DBP: variants seen among roughly 807,000 people sequenced by gnomAD.
DBP encodes D-box binding PAR bZIP transcription factor, also known as D site-binding protein.
Under a neutral mutation model 21.4 loss-of-function variants are expected in DBP, and 12 were observed. The ratio of observed to expected loss-of-function variants is 0.56; its 90% CI spans 0.36 to 0.91. DBP has a LOEUF of 0.91. Ranked by LOEUF, DBP falls within the 40% of genes least tolerant of loss-of-function variation. The probability of loss-of-function intolerance (pLI) is 0.01; values close to 1 mark genes in which losing one functional copy is unlikely to be tolerated. For missense variants in DBP, 423 were observed against 473.4 expected, an observed-to-expected ratio of 0.89 and a Z score of 0.99; for synonymous variants, 213 against 224.9, an observed-to-expected ratio of 0.95 and a Z score of 0.47.
rs80273410 is a variant in DBP at position 48,630,779 on chromosome 19, G to T, written c.*58C>A. 3,515 of 1,519,506 alleles carry T rather than the reference G, an allele frequency of 2.3e-3. 89 individuals are homozygous for T. In the African/African-American group the frequency reaches 0.044, roughly 19 times the overall value. 94.1% of individuals were successfully genotyped at this position (1,519,506 alleles called of 1,614,324 possible). A position where few individuals can be genotyped will look rare whatever the true frequency, so the allele number is the denominator to read the frequency against. On this transcript the variant is annotated 3_prime_UTR_variant, in exon 4 of 4. Coordinates refer to ENST00000222122, the MANE Select transcript of DBP (RefSeq NM_001352.5). This position sits in a 1 kb window ranked among gnomAD's most constrained non-coding sequence, Gnocchi z 4.9. The stretch of plus-strand genomic sequence containing the variant: ...TGGGCCACAGGGCAGGAAGGGAACA[G>T]GGCGTAAGTCTCAGCAAGGCGGAGG...
rs2030530888 is a variant in DBP at position 48,630,625 on chromosome 19, C to A, written c.*212G>T. ...GGCGGTGGGAGGATAGGGTCCCTGA[C>A]GTGCCGGGGACACACACAGAGAACC... On this transcript the variant is annotated 3_prime_UTR_variant, in exon 4 of 4. Transcript: ENST00000222122. The surrounding 1 kb of genome is among the most constrained non-coding windows in gnomAD (Gnocchi z 4.9). 2 of 1,511,986 alleles carry A rather than the reference C, an allele frequency of 1.3e-6. No individual in the cohort carries two copies. The highest frequency in any genetic ancestry group is 1.8e-6 in the Non-Finnish European group (2 of 1,134,572). The allele number at this position is 1,511,986 out of a possible 1,614,324, so 93.7% of individuals were successfully genotyped here.
intron 2 of DBP, chr19:48,634,394 G>C (rs1163245367): frequency 6.6e-6 from 1 of 152,332 alleles, no homozygotes; most frequent in African/African-American, 2.4e-5. Flanking sequence ...CAGAGAAAAA[G>C]AATCTACTGC....
rs1445123050 is a variant in DBP, at chr19:48,630,408, C to T, written c.*429G>A. On this transcript the variant is annotated 3_prime_UTR_variant, in exon 4 of 4. Coordinates refer to ENST00000222122, the MANE Select transcript of DBP (RefSeq NM_001352.5). This position sits in a 1 kb window ranked among gnomAD's most constrained non-coding sequence, Gnocchi z 4.9. Reference sequence around the variant, plus strand: ...AGGCAGTCGCTTCATTCCTCTCAGACCTTCTGCCCTTCCTCCATCCGACAG... The same window carrying T: ...AGGCAGTCGCTTCATTCCTCTCAGATCTTCTGCCCTTCCTCCATCCGACAG... 1.4e-6 allele frequency: 2 copies of T among 1,410,250 alleles called. No homozygotes were observed. The highest frequency in any genetic ancestry group is 2.9e-5 in the African/African-American group (2 of 68,584). The allele number at this position is 1,410,250 out of a possible 1,614,324, so 87.4% of individuals were successfully genotyped here.
intron 3 of DBP, 167 bp from the exon 4 acceptor site, chr19:48,631,219 T>C (rs1464659253): frequency 4.9e-6 from 3 of 616,900 alleles, no homozygotes; most frequent in Admixed American, 2.9e-5. Context: ...ATTGGGCCCC[T>C]AGCAACAGTA....
At chr19:48,634,336 G>A (rs1485848788) in intron 2 of DBP, 1 of 153,030 alleles carries the variant, frequency 6.5e-6, no homozygotes, top group Non-Finnish European at 1.5e-5. Context: ...AGTCTAGCCT[G>A]AATCCTACTT....
At chr19:48,634,249 T>C (rs560243806) in intron 2 of DBP, 1 of 155,720 alleles carries the variant, frequency 6.4e-6, no homozygotes, top group East Asian at 1.9e-4. Context: ...GGGCTATTGC[T>C]TCTACACTTG....
chr19:48,634,099 C>G (rs139626077), intron 2 of DBP: 1 of 173,282 alleles, frequency 5.8e-6, no homozygotes, highest in Non-Finnish European at 1.3e-5. Context: ...GAGCGAGACT[C>G]CGTCTCCAAA....
rs1339388270 is a variant in DBP at position 48,630,448 on chromosome 19, C to CA, written c.*388dup. ...CCATCCGACAGCCCGCGGGAGGACT[C>CA]AGACTCCAGCACTTCCAGCAGCGCC... On this transcript the variant is annotated 3_prime_UTR_variant, in exon 4 of 4. Transcript: ENST00000222122. The surrounding 1 kb of genome is among the most constrained non-coding windows in gnomAD (Gnocchi z 4.9). 3.4e-6 allele frequency: 5 copies of CA among 1,453,244 alleles called. No individual in the cohort carries two copies. The highest frequency in any genetic ancestry group is 2.9e-5 in the African/African-American group (2 of 69,880). The allele number at this position is 1,453,244 out of a possible 1,614,324, so 90.0% of individuals were successfully genotyped here. A position where few individuals can be genotyped will look rare whatever the true frequency, so the allele number is the denominator to read the frequency against.
chr19:48,635,735 G>T lies in DBP; in HGVS notation c.395C>A (p.Pro132Gln). ...FLLEHGLPPS[P>Q]PPPGGPSPEP... ...CGGCGACGGGCCACCGGGGGGCGGC[G>T]GGCTGGGCGGGAGCCCGTGCTCCAG... Residue 132 changes from proline (P) to glutamine (Q), a missense_variant, in exon 2 of 4, where the codon CCG becomes CAG. By Grantham distance (76) the Pro-to-Gln change is moderately conservative (BLOSUM62 -1). This residue lies in a region of DBP where 283 missense variants were observed against 273.7 expected (regional missense o/e 1.03). Transcript: ENST00000222122. The T allele has an allele frequency of 7.4e-7, 1 of 1,356,838 alleles. No homozygotes were observed. The highest frequency in any genetic ancestry group is 9.4e-7 in the Non-Finnish European group (1 of 1,061,626). The allele number at this position is 1,356,838 out of a possible 1,614,324, so 84.0% of individuals were successfully genotyped here.
rs901374318 is a variant in DBP at position 48,637,221 on chromosome 19, C to T, written c.-227G>A. On this transcript the variant is annotated 5_prime_UTR_variant, in exon 1 of 4. Transcript: ENST00000222122. ...AGAGGGTCCCGGGAGATCATGCAAT[C>T]TGGGCGAGGGGGTGTCCAGATCAAG... 7.1e-6 allele frequency: 3 copies of T among 423,046 alleles called. No individual in the cohort carries two copies. The highest frequency in any genetic ancestry group is 6.2e-5 in the African/African-American group (3 of 48,614). The allele number at this position is 423,046 out of a possible 1,614,324, so 26.2% of individuals were successfully genotyped here. A position where few individuals can be genotyped will look rare whatever the true frequency, so the allele number is the denominator to read the frequency against.
In DBP at chr19:48,636,839, T is replaced by TG; in HGVS notation, c.139+16dup. On this transcript the variant is annotated intron_variant, in intron 1 of 3. Coordinates refer to ENST00000222122, the MANE Select transcript of DBP (RefSeq NM_001352.5). ...GGTAGGGTGTCCGAAGTGGGTGAGA[T>TG]GGGGGTTAGAACTCACAGCTGGCCG... The TG allele has an allele frequency of 6.2e-7, 1 of 1,610,354 alleles. No homozygotes were observed. Among genetic ancestry groups the TG allele is most frequent in the South Asian group, 1.1e-5 (1 of 90,380 alleles).
intron 3 of DBP, 102 bp from the exon 4 acceptor site, chr19:48,631,154 C>T (rs920993284): frequency 4.9e-6 from 5 of 1,019,722 alleles, no homozygotes; most frequent in African/African-American, 3.2e-5. Context: ...CACCAGGTCT[C>T]TGCTGGGATA....
intron 2 of DBP, chr19:48,634,242 C>T (rs1412890117): frequency 6.4e-6 from 1 of 157,286 alleles, no homozygotes. Flanking sequence ...CGAATCAGGG[C>T]TATTGCTTCT....
intron 2 of DBP, chr19:48,635,280 C>T: frequency 8.2e-7 from 1 of 1,214,486 alleles, no homozygotes; most frequent in Non-Finnish European, 1.0e-6. Context: ...ACTTCCAGTT[C>T]TGGCTTCACG....
chr19:48,634,747 G>A lies in DBP; in HGVS notation c.550+833C>T, dbSNP rs1000524671. Reference sequence around the variant, plus strand: ...GAAGGGTAGGGCCCTGGTTCGGCCCGGAGGTCGGACCTGGAGCAGGTGTGC... The same window carrying A: ...GAAGGGTAGGGCCCTGGTTCGGCCCAGAGGTCGGACCTGGAGCAGGTGTGC... On this transcript the variant is annotated intron_variant, in intron 2 of 3. Coordinates refer to ENST00000222122, the MANE Select transcript of DBP (RefSeq NM_001352.5). The A allele has an allele frequency of 6.7e-5, 66 of 985,458 alleles. No individual in the cohort carries two copies. The African/African-American group carries it at 1.1e-3, about 16-fold the overall frequency. 61.0% of individuals were successfully genotyped at this position (985,458 alleles called of 1,614,324 possible). A position where few individuals can be genotyped will look rare whatever the true frequency, so the allele number is the denominator to read the frequency against.
rs987298933 is a variant in DBP, at chr19:48,630,030, T to C, written c.*807A>G. The C allele has an allele frequency of 2.2e-6, 3 of 1,340,930 alleles. No homozygotes were observed. The highest frequency in any genetic ancestry group is 2.9e-6 in the Non-Finnish European group (3 of 1,048,136). The allele number at this position is 1,340,930 out of a possible 1,614,324, so 83.1% of individuals were successfully genotyped here. A position where few individuals can be genotyped will look rare whatever the true frequency, so the allele number is the denominator to read the frequency against. On this transcript the variant is annotated 3_prime_UTR_variant, in exon 4 of 4. Transcript: ENST00000222122. The surrounding 1 kb of genome is among the most constrained non-coding windows in gnomAD (Gnocchi z 4.9). Reference sequence around the variant, plus strand: ...CCTGGCGTCTGATCTGGGGCCGCCCTTACGGGGCAGGGCTCAGTCCTGACG... The same window carrying C: ...CCTGGCGTCTGATCTGGGGCCGCCCCTACGGGGCAGGGCTCAGTCCTGACG...
intron 1 of DBP, among the ~76,000 whole-genome samples, chr19:48,636,409 C>A (rs1027143097): frequency 1.3e-5 from 2 of 152,010 alleles, no homozygotes; most frequent in African/African-American, 4.8e-5. Flanking sequence ...CCCTTCCCCT[C>A]CCCCACCATC....
At chr19:48,633,358 C>T in intron 3 of DBP, 86 bp downstream of exon 3, 1 of 1,388,508 alleles carries the variant, frequency 7.2e-7, no homozygotes, top group Middle Eastern at 1.9e-4. Flanking sequence ...AAGGAGAAGC[C>T]CAGGCTTGAC....
In DBP at chr19:48,630,226, C is replaced by T; in HGVS notation, c.*611G>A. On this transcript the variant is annotated 3_prime_UTR_variant, in exon 4 of 4. Transcript: ENST00000222122. The surrounding 1 kb of genome is among the most constrained non-coding windows in gnomAD (Gnocchi z 4.9). ...CGGTGCCTCCATTTAGCTGGCCAAT[C>T]AGCCCAGGAGGGGCAGGTTCCCCGG... The T allele has an allele frequency of 7.9e-7, 1 of 1,261,412 alleles. No homozygotes were observed. Among genetic ancestry groups the T allele is most frequent in the Non-Finnish European group, 1.0e-6 (1 of 1,003,026 alleles). The allele number at this position is 1,261,412 out of a possible 1,614,324, so 78.1% of individuals were successfully genotyped here. A position where few individuals can be genotyped will look rare whatever the true frequency, so the allele number is the denominator to read the frequency against.
Sources: gnomAD v4.1 joint callset for allele counts (sites outside exome capture counted in the v4.1 genomes callset) on GRCh38, gnomAD v4.1.1 for gene constraint, gnomAD v4.1.1 regional missense constraint, Gnocchi (gnomAD v3.1) non-coding constraint, MANE v1.5 for transcripts, NCBI Gene and HGNC (gene_info 2026-07-23, HGNC 2026-07-21) for gene names.